KCNH5: variants seen among roughly 807,000 people sequenced by gnomAD.
KCNH5 encodes the protein voltage-gated delayed rectifier potassium channel KCNH5.
A neutral mutation model predicts 96.1 loss-of-function variants in KCNH5; 46 were observed. The ratio of observed to expected loss-of-function variants is 0.48; its 90% CI spans 0.38 to 0.61. The LOEUF (loss-of-function observed/expected upper bound fraction) is 0.61. KCNH5 is among the 20% of genes least tolerant of loss of function. The pLI is 0.00. For synonymous variants in KCNH5, 439 were observed against 449.8 expected (o/e 0.98, Z 0.30); for missense variants, 907 against 1,225.8 (o/e 0.74, Z 3.88).
At chr14:62,948,466 T>A (rs1267898083) in intron 7 of KCNH5, among the ~76,000 whole-genome samples, 1 of 152,200 alleles carries the variant, frequency 6.6e-6, no homozygotes, top group South Asian at 2.1e-4. Flanking sequence ...CAGGAAGAAG[T>A]TGAATCTCTG....
Position 62,930,490 on chromosome 14 carries a change from G to A in KCNH5, c.1369+19643C>T, listed in dbSNP as rs557511182. ...AATGTTTATATAACAATGTTCATAA[G>A]ATACAGCTTCACAAGCATCCCAGTG... On this transcript the variant is annotated intron_variant, in intron 7 of 10. Transcript: ENST00000322893. 2.0e-5 allele frequency among the ~76,000 whole-genome samples: 3 copies of A among 152,234 alleles called. No individual in the cohort carries two copies. In the East Asian group the frequency reaches 5.8e-4, roughly 29 times the overall value.
intron 10 of KCNH5, among the ~76,000 whole-genome samples, chr14:62,768,936 AG>A (rs1261197664): frequency 6.6e-6 from 1 of 152,230 alleles, no homozygotes; most frequent in Non-Finnish European, 1.5e-5. Flanking sequence ...GTCTGGAAGC[AG>A]ACCAACAGAG....
intron 1 of KCNH5, among the ~76,000 whole-genome samples, chr14:63,039,365 G>A (rs1891781085): frequency 1.3e-5 from 2 of 151,864 alleles, no homozygotes; most frequent in African/African-American, 4.8e-5. Flanking sequence ...TTTAAAATTT[G>A]GGTAAAAATA....
At chr14:62,708,965 G>T (rs1249564860) in intron 10 of KCNH5, among the ~76,000 whole-genome samples, 1 of 152,018 alleles carries the variant, frequency 6.6e-6, no homozygotes, top group Non-Finnish European at 1.5e-5. Flanking sequence ...TCCTCTGTTG[G>T]CCGGGCGCGG....
chr14:62,715,866 G>A (rs759907462), intron 10 of KCNH5, among the ~76,000 whole-genome samples: 2 of 152,106 alleles, frequency 1.3e-5, no homozygotes, highest in African/African-American at 2.4e-5. Context: ...GAGGAAAGGA[G>A]GGATAGGGAA....
At chr14:62,724,171 T>C (rs1417818218) in intron 10 of KCNH5, among the ~76,000 whole-genome samples, 1 of 152,236 alleles carries the variant, frequency 6.6e-6, no homozygotes, top group African/African-American at 2.4e-5. Context: ...GAAATAGCAC[T>C]GGTTATTAGT....
chr14:62,982,334 A>C (rs528779941), intron 5 of KCNH5, among the ~76,000 whole-genome samples: 2 of 152,328 alleles, frequency 1.3e-5, no homozygotes, highest in African/African-American at 4.8e-5. Context: ...TCTCAAAAAA[A>C]AAAAGACAGT....
intron 4 of KCNH5, among the ~76,000 whole-genome samples, chr14:62,990,082 C>T (rs1890781147): frequency 6.6e-6 from 1 of 151,670 alleles, no homozygotes. Flanking sequence ...AAAAGAAAAG[C>T]CCACTTTCGT....
At chr14:62,985,989 C>G (rs1261366982) in intron 5 of KCNH5, among the ~76,000 whole-genome samples, 4 of 152,214 alleles carry the variant, frequency 2.6e-5, no homozygotes, top group Admixed American at 1.3e-4. Context: ...CTGGACTCAA[C>G]CCCTTGTTTC....
intron 2 of KCNH5, among the ~76,000 whole-genome samples, chr14:63,011,134 C>A (rs1395406343): frequency 6.6e-6 from 1 of 151,850 alleles, no homozygotes; most frequent in East Asian, 1.9e-4. Flanking sequence ...GTCGAAGGAT[C>A]AAAAAAGATA....
intron 10 of KCNH5, among the ~76,000 whole-genome samples, chr14:62,723,848 G>A (rs983220819): frequency 6.6e-6 from 1 of 152,192 alleles, no homozygotes; most frequent in Non-Finnish European, 1.5e-5. Flanking sequence ...TGAATTGAAT[G>A]AGCATGTGTT....
At chr14:62,889,693 GT>G (rs1411123975) in intron 7 of KCNH5, among the ~76,000 whole-genome samples, 2 of 152,206 alleles carry the variant, frequency 1.3e-5, no homozygotes, top group East Asian at 1.9e-4. Flanking sequence ...TACCTATAAT[GT>G]TTGGATGTGA....
chr14:62,818,232 G>A (rs940848348), intron 8 of KCNH5, among the ~76,000 whole-genome samples: 5 of 151,188 alleles, frequency 3.3e-5, no homozygotes, highest in Admixed American at 2.0e-4. Context: ...TAACTGTCAC[G>A]ACACACACAG....
At chr14:62,902,489 T>A (rs189231552) in intron 7 of KCNH5, among the ~76,000 whole-genome samples, 81 of 152,298 alleles carry the variant, frequency 5.3e-4, no homozygotes, top group African/African-American at 1.8e-3. Flanking sequence ...CTTTCTTTTA[T>A]ATAAAATAAT....
chr14:62,934,253 A>G (rs1889636389), intron 7 of KCNH5, among the ~76,000 whole-genome samples: 1 of 151,648 alleles, frequency 6.6e-6, no homozygotes, highest in Non-Finnish European at 1.5e-5. Flanking sequence ...CAGCCTCCCT[A>G]GTAGCTGAGA....
intron 10 of KCNH5, among the ~76,000 whole-genome samples, chr14:62,737,774 A>C (rs1315883766): frequency 2.0e-5 from 3 of 152,148 alleles, no homozygotes; most frequent in Non-Finnish European, 4.4e-5. Context: ...TAAAATGTCT[A>C]AAAACAGAAG....
At chr14:62,849,631 T>C (rs1269253440) in intron 8 of KCNH5, 22 bp downstream of exon 8, 5 of 1,592,504 alleles carry the variant, frequency 3.1e-6, no homozygotes, top group Non-Finnish European at 4.3e-6. Flanking sequence ...AGAAACTAAA[T>C]AATAACAATA....
intron 7 of KCNH5, among the ~76,000 whole-genome samples, chr14:62,928,465 C>T (rs1889517370): frequency 6.6e-6 from 1 of 152,032 alleles, no homozygotes; most frequent in Non-Finnish European, 1.5e-5. Flanking sequence ...TTACAATGAG[C>T]CAGGCATTAT....
At chr14:62,759,795 C>T (rs1340347631) in intron 10 of KCNH5, among the ~76,000 whole-genome samples, 1 of 152,122 alleles carries the variant, frequency 6.6e-6, no homozygotes, top group East Asian at 1.9e-4. Context: ...AGAGATTTTT[C>T]AGCTTTGCAA....
Sources: allele counts gnomAD v4.1 joint callset (sites outside exome capture counted in the v4.1 genomes callset), GRCh38; gene constraint gnomAD v4.1.1; transcripts MANE v1.5; gene names NCBI Gene and HGNC (gene_info 2026-07-23, HGNC 2026-07-21).